The following WWOX variants were observed in gnomAD, a reference collection of about 807,000 sequenced individuals.
WWOX encodes WW domain-containing oxidoreductase.
In WWOX, 69 loss-of-function variants were observed where a neutral mutation model predicts 46.2. That is an observed-to-expected ratio of 1.49 (90% CI 1.23 to 1.82). The LOEUF (loss-of-function observed/expected upper bound fraction) is 1.82. Among genes scored for constraint, WWOX ranks in the 40% most tolerant of loss-of-function variants. The probability of loss-of-function intolerance (pLI) is 0.00; values close to 1 mark genes in which losing one functional copy is unlikely to be tolerated. For synonymous variants in WWOX, 359 were observed against 202.6 expected (o/e 1.77, Z -6.56); for missense variants, 919 against 542.6 (o/e 1.69, Z -6.89).
At chr16:78,984,342 C>T (rs1236090666) in intron 8 of WWOX, among the ~76,000 whole-genome samples, 1 of 152,116 alleles carries the variant, frequency 6.6e-6, no homozygotes, top group Non-Finnish European at 1.5e-5. Flanking sequence ...CTCTCTAGGT[C>T]AAGAATCAGC....
intron 8 of WWOX, among the ~76,000 whole-genome samples, chr16:78,862,492 AC>A (rs1212914455): frequency 6.6e-6 from 1 of 152,012 alleles, no homozygotes; most frequent in Non-Finnish European, 1.5e-5. Context: ...ATACACACAC[AC>A]ATTTTTCTGT....
intron 8 of WWOX, among the ~76,000 whole-genome samples, chr16:79,062,416 G>A (rs1379771174): frequency 6.6e-6 from 1 of 152,002 alleles, no homozygotes; most frequent in Admixed American, 6.6e-5. Flanking sequence ...GGCAGAGACT[G>A]TTTGCCAGGG....
intron 8 of WWOX, among the ~76,000 whole-genome samples, chr16:78,744,545 C>A (rs2049304000): frequency 6.7e-6 from 1 of 149,336 alleles, no homozygotes. Flanking sequence ...AATTTTCTTG[C>A]CTCAGCCTCC....
intron 8 of WWOX, among the ~76,000 whole-genome samples, chr16:78,956,110 C>T (rs556193047): frequency 6.6e-6 from 1 of 152,178 alleles, no homozygotes; most frequent in African/African-American, 2.4e-5. Flanking sequence ...TCACTATCTA[C>T]ATCCCCACTA....
intron 8 of WWOX, among the ~76,000 whole-genome samples, chr16:78,855,771 G>T (rs1361958802): frequency 6.6e-6 from 1 of 152,178 alleles, no homozygotes; most frequent in South Asian, 2.1e-4. Context: ...CCCTCATGCT[G>T]TGTGGATCAG....
chr16:78,966,044 C>G (rs990045773), intron 8 of WWOX, among the ~76,000 whole-genome samples: 1 of 152,174 alleles, frequency 6.6e-6, no homozygotes, highest in Non-Finnish European at 1.5e-5. Context: ...TGTGCCTCAT[C>G]AATTTTGGAT....
intron 8 of WWOX, among the ~76,000 whole-genome samples, chr16:79,025,552 C>T (rs2047621121): frequency 6.6e-6 from 1 of 152,010 alleles, no homozygotes; most frequent in Non-Finnish European, 1.5e-5. Flanking sequence ...CTGCTGGCAC[C>T]CCCAGATACC....
At chr16:78,666,540 C>G (rs1002491536) in intron 8 of WWOX, among the ~76,000 whole-genome samples, 2 of 152,200 alleles carry the variant, frequency 1.3e-5, no homozygotes, top group African/African-American at 2.4e-5. Flanking sequence ...TATTTACTCT[C>G]TAGAACCATT....
rs577382982 is a variant in WWOX at position 78,956,879 on chromosome 16, G to C, written c.1057-254729G>C. 3.3e-4 allele frequency among the ~76,000 whole-genome samples: 51 copies of C among 152,268 alleles called. No homozygotes were observed. In the South Asian group the frequency reaches 0.01, roughly 30 times the overall value. ...GAGTGTCTCAAACATGTAGGCTTGA[G>C]CCACTCAAAATTCTGGGAAATAGGA... On this transcript the variant is annotated intron_variant, in intron 8 of 8. Transcript: ENST00000566780.
chr16:78,145,833 A>G (rs2034179976), intron 4 of WWOX: 1 of 152,168 alleles, frequency 6.6e-6, no homozygotes, highest in South Asian at 2.1e-4. Flanking sequence ...ATCCTTAATT[A>G]TGACCATAAA....
intron 8 of WWOX, among the ~76,000 whole-genome samples, chr16:78,846,514 G>A (rs995290326): frequency 3.3e-5 from 5 of 152,024 alleles, no homozygotes; most frequent in African/African-American, 7.2e-5. Context: ...TGTCTGATGT[G>A]TTCTCTTGAT....
At chr16:78,921,253 C>T (rs2045371975) in intron 8 of WWOX, among the ~76,000 whole-genome samples, 1 of 152,102 alleles carries the variant, frequency 6.6e-6, no homozygotes, top group African/African-American at 2.4e-5. Context: ...CGCACTGTGC[C>T]AGAATAGATA....
At chr16:78,474,479 C>T (rs35767198) in intron 8 of WWOX, among the ~76,000 whole-genome samples, 3,925 of 152,306 alleles carry the variant, frequency 0.026, 80 homozygotes, top group South Asian at 0.042. Flanking sequence ...TTTCCACCCC[C>T]TCATCGTGGT....
intron 8 of WWOX, among the ~76,000 whole-genome samples, chr16:78,455,768 A>G (rs1046749996): frequency 6.7e-6 from 1 of 149,650 alleles, no homozygotes; most frequent in African/African-American, 2.5e-5. Flanking sequence ...TGAATTTGTA[A>G]TGATGCCTGG....
At chr16:79,171,029 A>G (rs770623224) in intron 8 of WWOX, among the ~76,000 whole-genome samples, 2 of 152,252 alleles carry the variant, frequency 1.3e-5, no homozygotes, top group Non-Finnish European at 2.9e-5. Context: ...CCAAAGGATT[A>G]GTCAGCCTAG....
intron 7 of WWOX, among the ~76,000 whole-genome samples, chr16:78,427,318 C>T (rs972008513): frequency 6.6e-6 from 1 of 152,172 alleles, no homozygotes; most frequent in Non-Finnish European, 1.5e-5. Context: ...GTTTTAGTTA[C>T]TTATCTGGAA....
At chr16:78,633,913 T>C (rs1567451996) in intron 8 of WWOX, among the ~76,000 whole-genome samples, 1 of 151,350 alleles carries the variant, frequency 6.6e-6, no homozygotes, top group Non-Finnish European at 1.5e-5. Context: ...TTTTTTTTTT[T>C]AGATTTCTCA....
intron 8 of WWOX, among the ~76,000 whole-genome samples, chr16:78,804,098 C>T (rs566477640): frequency 5.9e-5 from 9 of 152,234 alleles, no homozygotes; most frequent in South Asian, 2.1e-4. Context: ...TTGACCCCGC[C>T]GCAGTGGAGA....
At chr16:78,975,739 T>C (rs1267390159) in intron 8 of WWOX, among the ~76,000 whole-genome samples, 7 of 152,140 alleles carry the variant, frequency 4.6e-5, no homozygotes, top group Non-Finnish European at 8.8e-5. Context: ...ACAGAGCCAA[T>C]TGAGGCCTTT....
Sources: gnomAD v4.1 joint callset for allele counts (sites outside exome capture counted in the v4.1 genomes callset) on GRCh38, gnomAD v4.1.1 for gene constraint, MANE v1.5 for transcripts, NCBI Gene and HGNC (gene_info 2026-07-23, HGNC 2026-07-21) for gene names.